The following FAM167A variants were observed in gnomAD, a reference collection of about 807,000 sequenced individuals.
FAM167A encodes protein FAM167A.
Under a neutral mutation model 14.9 loss-of-function variants are expected in FAM167A, and 23 were observed. The observed-to-expected ratio is 1.55, with a 90% CI of 1.11 to 2.19. The LOEUF (loss-of-function observed/expected upper bound fraction) is 2.19, where lower values mean the gene tolerates loss of function less well. Ranked by LOEUF, FAM167A falls within the 30% of genes most tolerant of loss-of-function variation. The pLI is 0.00. For synonymous variants in FAM167A, 174 were observed against 117.7 expected (o/e 1.48, Z -3.10); for missense variants, 401 against 281.5 (o/e 1.42, Z -3.04).
chr8:11,464,780 C>T (rs1807686907), intron 1 of FAM167A, among the ~76,000 whole-genome samples: 1 of 152,184 alleles, frequency 6.6e-6, no homozygotes, highest in African/African-American at 2.4e-5. Context: ...CAAGATTTGC[C>T]TAGAGAACAC....
intron 1 of FAM167A, chr8:11,446,704 C>T (rs556225607): frequency 2.0e-5 from 3 of 152,366 alleles, no homozygotes; most frequent in South Asian, 2.1e-4. Flanking sequence ...TCTCTGAAGA[C>T]TTAGCACGCT....
rs1360469533 is a variant in FAM167A, at chr8:11,444,592, G to A, written c.-181C>T. 3 of 1,415,174 alleles carry A rather than the reference G, an allele frequency of 2.1e-6. No individual in the cohort carries two copies. Among genetic ancestry groups the A allele is most frequent in the East Asian group, 5.2e-5 (2 of 38,148 alleles). 87.7% of individuals were successfully genotyped at this position (1,415,174 alleles called of 1,614,324 possible). A position where few individuals can be genotyped will look rare whatever the true frequency, so the allele number is the denominator to read the frequency against. On this transcript the variant is annotated 5_prime_UTR_variant, in exon 2 of 3. Coordinates refer to ENST00000284486, the MANE Select transcript of FAM167A (RefSeq NM_053279.3). ...GGGGAGCTGAGAGGGACCGCGCAGT[G>A]AGCCGCACAGGGCGCCCTCCTGGAG... is the stretch of plus-strand genomic sequence containing the variant.
rs1427790779 is a variant in FAM167A at position 11,451,371 on chromosome 8, G to A, written c.-397-6563C>T. Among the ~76,000 whole-genome samples the A allele has an allele frequency of 6.7e-5, 10 of 149,742 alleles. No homozygotes were observed. In the South Asian group the frequency reaches 1.1e-3, roughly 16 times the overall value. ...CCAGGTTACACAGCGTATACCTTCC[G>A]CCTTTTTTGCTTCAGCTACTTGGAG... is the stretch of plus-strand genomic sequence containing the variant. On this transcript the variant is annotated intron_variant, in intron 1 of 2. Coordinates refer to ENST00000284486, the MANE Select transcript of FAM167A (RefSeq NM_053279.3).
At chr8:11,473,616 T>C (rs777935717) in intron 1 of FAM167A, among the ~76,000 whole-genome samples, 4 of 151,398 alleles carry the variant, frequency 2.6e-5, no homozygotes, top group Non-Finnish European at 4.4e-5. Context: ...GCCAGGGAGG[T>C]GGGGAGGAAG....
At chr8:11,445,719 T>C in intron 1 of FAM167A, 1 of 663,840 alleles carries the variant, frequency 1.5e-6, no homozygotes, top group Non-Finnish European at 1.9e-6. Context: ...CCAGACTCTG[T>C]GGTCCGAGGT....
chr8:11,445,377 T>C, intron 1 of FAM167A: 1 of 986,038 alleles, frequency 1.0e-6, no homozygotes, highest in African/African-American at 1.7e-5. Context: ...ATCCAGGTCT[T>C]ACTCTACGCT....
At chr8:11,430,755 G>A (rs1341133170) in intron 2 of FAM167A, among the ~76,000 whole-genome samples, 1 of 152,186 alleles carries the variant, frequency 6.6e-6, no homozygotes, top group South Asian at 2.1e-4. Flanking sequence ...AGGGGAGGGT[G>A]TGGCAAGGGG....
chr8:11,464,047 G>A (rs553914077), intron 1 of FAM167A, among the ~76,000 whole-genome samples: 211 of 152,278 alleles, frequency 1.4e-3, no homozygotes, highest in Non-Finnish European at 1.9e-3. Flanking sequence ...CAGGGAGACT[G>A]GGCTACTGCT....
At chr8:11,464,462 C>T (rs1050919015) in intron 1 of FAM167A, among the ~76,000 whole-genome samples, 2 of 152,152 alleles carry the variant, frequency 1.3e-5, no homozygotes, top group African/African-American at 4.8e-5. Flanking sequence ...CCTCCCCCTG[C>T]CCACCATGTA....
At chr8:11,438,428 T>G (rs1304014107) in intron 2 of FAM167A, 1 of 453,910 alleles carries the variant, frequency 2.2e-6, no homozygotes, top group South Asian at 1.6e-5. Flanking sequence ...ACTTTTATTT[T>G]ATTCTAGGAG....
At chr8:11,439,440 CAG>C (rs1209798361) in intron 2 of FAM167A, among the ~76,000 whole-genome samples, 1 of 152,244 alleles carries the variant, frequency 6.6e-6, no homozygotes, top group Non-Finnish European at 1.5e-5. Context: ...GCACAGGCAA[CAG>C]AGGGTTAACA....
chr8:11,426,917 G>C (rs1285887862), intron 2 of FAM167A, among the ~76,000 whole-genome samples: 2 of 152,182 alleles, frequency 1.3e-5, no homozygotes, highest in African/African-American at 2.4e-5. Context: ...CGAGCAGAGG[G>C]ATGACTTTGA....
chr8:11,466,973 C>T (rs2618432), upstream of FAM167A, among the ~76,000 whole-genome samples: 130,893 of 151,878 alleles, frequency 0.86, 56,739 homozygotes, highest in African/African-American at 0.93. Context: ...TCGCCAAACC[C>T]CAGATGAAAC....
chr8:11,442,573 TG>T (rs1036183704), intron 2 of FAM167A, among the ~76,000 whole-genome samples: 1 of 152,140 alleles, frequency 6.6e-6, no homozygotes, highest in African/African-American at 2.4e-5. Context: ...TGAACAAGAA[TG>T]TTTTTTGTTC....
At chr8:11,445,341 T>G in intron 1 of FAM167A, 2 of 986,210 alleles carry the variant, frequency 2.0e-6, no homozygotes, top group Non-Finnish European at 2.4e-6. Flanking sequence ...CCACCACAGG[T>G]CCTGTCCTCC....
chr8:11,458,637 A>G (rs1807421615), intron 1 of FAM167A, among the ~76,000 whole-genome samples: 1 of 152,216 alleles, frequency 6.6e-6, no homozygotes, highest in Admixed American at 6.5e-5. Flanking sequence ...GAATATTTTC[A>G]TGGGATTTAA....
At chr8:11,429,275 A>T (rs1414516829) in intron 2 of FAM167A, among the ~76,000 whole-genome samples, 2 of 152,184 alleles carry the variant, frequency 1.3e-5, no homozygotes, top group East Asian at 3.8e-4. Context: ...GATGGCTAAG[A>T]AGCTTTTTAT....
At chr8:11,434,798 G>A in intron 2 of FAM167A, 2 of 342,596 alleles carry the variant, frequency 5.8e-6, no homozygotes, top group East Asian at 7.6e-5. Context: ...CACAGAGAGA[G>A]GATGCTGATC....
chr8:11,447,011 G>A (rs1016070415), intron 1 of FAM167A, among the ~76,000 whole-genome samples: 7 of 152,274 alleles, frequency 4.6e-5, no homozygotes, highest in Admixed American at 1.3e-4. Context: ...AGATAACATG[G>A]ATGAGGAGCC....
Sources: gnomAD v4.1 joint callset for allele counts (sites outside exome capture counted in the v4.1 genomes callset) on GRCh38, gnomAD v4.1.1 for gene constraint, MANE v1.5 for transcripts, NCBI Gene and HGNC (gene_info 2026-07-23, HGNC 2026-07-21) for gene names.